FBXO46: variants seen among roughly 807,000 people sequenced by gnomAD.
The protein encoded by FBXO46 is F-box protein 46, also known as F-box only protein 46.
A neutral mutation model predicts 30.7 loss-of-function variants in FBXO46; 13 were observed. The observed-to-expected ratio is 0.42, with a 90% confidence interval of 0.28 to 0.67. The LOEUF (loss-of-function observed/expected upper bound fraction) is 0.67. Among genes scored for constraint, FBXO46 ranks in the 30% least tolerant of loss-of-function variants. The probability of loss-of-function intolerance (pLI) is 0.21; values close to 1 mark genes in which losing one functional copy is unlikely to be tolerated. For missense variants in FBXO46, 754 were observed against 871.5 expected (o/e 0.87, Z 1.70); for synonymous variants, 467 against 385.8 (o/e 1.21, Z -2.47).
intron 1 of FBXO46, among the ~76,000 whole-genome samples, chr19:45,727,115 G>GAC (rs958022035): frequency 5.3e-5 from 8 of 152,194 alleles, no homozygotes; most frequent in African/African-American, 1.9e-4. Context: ...CAGGTGTGGT[G>GAC]ACACACGCTT....
At position 45,712,712 on chromosome 19, in the gene FBXO46, C is replaced by T. The variant is rs1317302769; in HGVS notation, c.784G>A (p.Ala262Thr). The T allele has an allele frequency of 3.1e-6, 5 of 1,612,330 alleles. No homozygotes were observed. Among genetic ancestry groups the T allele is most frequent in the African/African-American group, 1.3e-5 (1 of 74,852 alleles). The change falls in exon 2 of 2, where the codon GCC (alanine) becomes ACC (threonine). Residue 262 changes from alanine to threonine, a missense_variant. Physicochemically the swap from Ala to Thr is moderately conservative, Grantham distance 58 (BLOSUM62 0). Transcript: ENST00000317683. The surrounding 1 kb of genome is among the most constrained non-coding windows in gnomAD (Gnocchi z 8.8). ...TCCCGGCCGTTGGAGATGCGGAAGG[C>T]GATGCGCACCTCCCCAGGGCCTGGC... ...PGPGPGEVRI[A>T]FRISNGREPR... is the part of the protein sequence containing the mutation.
rs1600354049 is a variant in FBXO46 at position 45,712,478 on chromosome 19, C to T, written c.1018G>A (p.Ala340Thr). 1.2e-6 allele frequency: 2 copies of T among 1,607,312 alleles called. No homozygotes were observed. Among genetic ancestry groups the T allele is most frequent in the Admixed American group, 3.4e-5 (2 of 59,368 alleles). ...ADEASEGDSP[A>T]PARPEDTPPA... is the part of the protein sequence containing the mutation. ...GGAGTGTCCTCAGGCCTGGCGGGTGCCGGGCTGTCACCCTCACTGGCCTCA... is the reference window on the plus strand; with the variant it reads ...GGAGTGTCCTCAGGCCTGGCGGGTGTCGGGCTGTCACCCTCACTGGCCTCA... Residue 340 changes from alanine (A) to threonine (T), a missense_variant, in exon 2 of 2, where the codon GCA becomes ACA. By Grantham distance (58) the Ala-to-Thr change is moderately conservative (BLOSUM62 0). Transcript: ENST00000317683. This position sits in a 1 kb window ranked among gnomAD's most constrained non-coding sequence, Gnocchi z 8.8.
chr19:45,729,746 G>A (rs1968283897), intron 1 of FBXO46, among the ~76,000 whole-genome samples: 2 of 152,190 alleles, frequency 1.3e-5, no homozygotes, highest in Non-Finnish European at 2.9e-5. Context: ...ATGAGTTAAT[G>A]TGTACAAACA....
upstream of FBXO46, among the ~76,000 whole-genome samples, chr19:45,731,340 G>A (rs1238119459): frequency 6.9e-5 from 10 of 144,960 alleles, no homozygotes; most frequent in Non-Finnish European, 1.2e-4. Flanking sequence ...TTTTTGAGAC[G>A]GAGTCTTGCT....
chr19:45,732,308 T>C (rs1428860558), upstream of FBXO46, among the ~76,000 whole-genome samples: 3 of 151,980 alleles, frequency 2.0e-5, no homozygotes, highest in Non-Finnish European at 4.4e-5. Context: ...CAGAAAGAGA[T>C]TAAGCCTCTT....
intron 1 of FBXO46, among the ~76,000 whole-genome samples, chr19:45,717,782 GGCGGGGGGCGGGCTGAGGATTTCC>G (rs1325966274): frequency 1.5e-5 from 2 of 137,606 alleles, no homozygotes; most frequent in Non-Finnish European, 3.1e-5. Flanking sequence ...GAACTGTGGG[GGCGGGGGGCGGGCTGAGGATTTCC>G]GCGGGGGGAA....
chr19:45,733,015 C>T (rs1968347639), upstream of FBXO46, among the ~76,000 whole-genome samples: 1 of 152,140 alleles, frequency 6.6e-6, no homozygotes, highest in African/African-American at 2.4e-5. The surrounding 1 kb of genome is among the most constrained non-coding windows in gnomAD (Gnocchi z 5.7). Flanking sequence ...ACCATCTAGC[C>T]TGGTGCTTGG....
At chr19:45,720,834 G>A (rs1243499712) in intron 1 of FBXO46, among the ~76,000 whole-genome samples, 1 of 151,748 alleles carries the variant, frequency 6.6e-6, no homozygotes, top group African/African-American at 2.4e-5. Context: ...CTGGCTGGGC[G>A]CAGTGGCTCA....
Position 45,712,395 on chromosome 19 carries a change from G to A in FBXO46, c.1101C>T (p.Asp367=), listed in dbSNP as rs200612720. The change falls in exon 2 of 2, where the codon GAC becomes GAT. Residue 367 remains aspartate (D), a synonymous_variant. Coordinates refer to ENST00000317683, the MANE Select transcript of FBXO46 (RefSeq NM_001080469.2). The surrounding 1 kb of genome is among the most constrained non-coding windows in gnomAD (Gnocchi z 8.8). ...CATCTACCACGCCCGTCACCACCAC[G>A]TCCACGTGGAAGCCTGACGCTCCGC... ...RDCGASGFHV[D]VVVTGVVDEC... 11 of 1,606,656 alleles carry A rather than the reference G, an allele frequency of 6.8e-6. No individual in the cohort carries two copies. The highest frequency in any genetic ancestry group is 1.7e-5 in the Admixed American group (1 of 59,996).
At position 45,712,744 on chromosome 19, in the gene FBXO46, C is replaced by T. The variant is rs367702323; in HGVS notation, c.752G>A (p.Arg251Gln). The T allele has an allele frequency of 1.4e-5, 22 of 1,611,452 alleles. No homozygotes were observed. Among genetic ancestry groups the T allele is most frequent in the Non-Finnish European group, 1.3e-5 (15 of 1,178,848 alleles). ...CACCTCCCCAGGGCCTGGCCCGGGC[C>T]GCTCTTCCTTGCGGAGGCCCTTGGT... Reference protein sequence around the residue: ...PPTKGLRKEERPGPGPGEVRI... With the variant: ...PPTKGLRKEEQPGPGPGEVRI... Residue 251 changes from arginine to glutamine, a missense_variant, in exon 2 of 2, where the codon CGG becomes CAG. Physicochemically the swap from Arg to Gln is conservative, Grantham distance 43. Transcript: ENST00000317683. The surrounding 1 kb of genome is among the most constrained non-coding windows in gnomAD (Gnocchi z 8.8).
rs983106195 is a variant in FBXO46 at position 45,713,631 on chromosome 19, A to G, written c.-78-58T>C. On this transcript the variant is annotated intron_variant, in intron 1 of 1. Transcript: ENST00000317683. This position sits in a 1 kb window ranked among gnomAD's most constrained non-coding sequence, Gnocchi z 4.7. ...GGGGACAGCCTTTCTTCCCAGGACC[A>G]CCCCAACCTCCACCTCTCCTTAGAC... The G allele has an allele frequency of 1.4e-6, 1 of 695,686 alleles. No homozygotes were observed. Among genetic ancestry groups the G allele is most frequent in the Non-Finnish European group, 2.4e-6 (1 of 417,700 alleles). The allele number at this position is 695,686 out of a possible 1,614,324, so 43.1% of individuals were successfully genotyped here. A position where few individuals can be genotyped will look rare whatever the true frequency, so the allele number is the denominator to read the frequency against.
Position 45,713,087 on chromosome 19 carries a change from A to C in FBXO46, c.409T>G (p.Cys137Gly), listed in dbSNP as rs371124111. 1.3e-6 allele frequency: 2 copies of C among 1,598,592 alleles called. No homozygotes were observed. Among genetic ancestry groups the C allele is most frequent in the Non-Finnish European group, 1.7e-6 (2 of 1,173,290 alleles). Residue 137 changes from cysteine to glycine, a missense_variant, in exon 2 of 2, where the codon TGT becomes GGT. By Grantham distance (159) the Cys-to-Gly change is radical. Transcript: ENST00000317683. The surrounding 1 kb of genome is among the most constrained non-coding windows in gnomAD (Gnocchi z 4.7). The stretch of plus-strand genomic sequence containing the variant: ...GGAGGAGCCTTGGTGGGGTCAAGAC[A>C]GCGCCTCCGCCGCTTGGCCTTGGAG... The part of the protein sequence containing the change: ...DSSKAKRRRR[C>G]LDPTKAPPDP...
rs748966505 is a variant in FBXO46, at chr19:45,712,843, C to T, written c.653G>A (p.Arg218Gln). The T allele has an allele frequency of 6.8e-6, 11 of 1,613,250 alleles. No individual in the cohort carries two copies. The highest frequency in any genetic ancestry group is 2.2e-5 in the East Asian group (1 of 44,862). ...ACGGCTGCAGTCCCCACCACCGGAC[C>T]GCCGTTCAGATCCCACCCCCTTGGC... The part of the protein sequence containing the change: ...GPAKGVGSER[R>Q]SGGGDCSRVA... Residue 218 changes from arginine to glutamine, a missense_variant, in exon 2 of 2, where the codon CGG (arginine) becomes CAG (glutamine). Physicochemically the swap from Arg to Gln is conservative, Grantham distance 43 (BLOSUM62 1). Coordinates refer to ENST00000317683, the MANE Select transcript of FBXO46 (RefSeq NM_001080469.2). The surrounding 1 kb of genome is among the most constrained non-coding windows in gnomAD (Gnocchi z 8.8).
chr19:45,714,028 C>CA (rs1261642721), intron 1 of FBXO46, among the ~76,000 whole-genome samples: 1 of 145,948 alleles, frequency 6.9e-6, no homozygotes, highest in South Asian at 2.2e-4. Flanking sequence ...GGTGAGCAGA[C>CA]AGAGGTTGCA....
At chr19:45,717,555 G>C (rs1035382665) in intron 1 of FBXO46, among the ~76,000 whole-genome samples, 1 of 152,214 alleles carries the variant, frequency 6.6e-6, no homozygotes, top group African/African-American at 2.4e-5. Context: ...GACACAGCCG[G>C]ATGCAAGGGA....
rs1967963335 is a variant in FBXO46 at position 45,711,509 on chromosome 19, G to A, written c.*175C>T. On this transcript the variant is annotated 3_prime_UTR_variant, in exon 2 of 2. Coordinates refer to ENST00000317683, the MANE Select transcript of FBXO46 (RefSeq NM_001080469.2). ...GGTTCTGAAGAGTAGAAAATCAACA[G>A]GATCAAGCAGAGGGCTTTCCTGGGT... The A allele has an allele frequency of 1.4e-6, 1 of 705,410 alleles. No individual in the cohort carries two copies. Among genetic ancestry groups the A allele is most frequent in the Admixed American group, 2.0e-5 (1 of 49,938 alleles). The allele number at this position is 705,410 out of a possible 1,614,324, so 43.7% of individuals were successfully genotyped here.
chr19:45,719,263 AAATT>A (rs1170457049), intron 1 of FBXO46, among the ~76,000 whole-genome samples: 2 of 152,138 alleles, frequency 1.3e-5, no homozygotes, highest in African/African-American at 4.8e-5. Context: ...AATTAAAAAT[AAATT>A]AAATAAATAA....
In FBXO46 at chr19:45,711,387, G is replaced by C; in HGVS notation, c.*297C>G. 1 of 588,778 alleles carries C rather than the reference G, an allele frequency of 1.7e-6. No homozygotes were observed. The highest frequency in any genetic ancestry group is 3.2e-6 in the Non-Finnish European group (1 of 315,438). 36.5% of individuals were successfully genotyped at this position (588,778 alleles called of 1,614,324 possible). A position where few individuals can be genotyped will look rare whatever the true frequency, so the allele number is the denominator to read the frequency against. On this transcript the variant is annotated 3_prime_UTR_variant, in exon 2 of 2. Transcript: ENST00000317683. ...TCCCTGCTGGTGGGTCCTTGGGGTGGAAAGCATGGCAGGGAGGGGGTTGGG... is the reference window on the plus strand; with the variant it reads ...TCCCTGCTGGTGGGTCCTTGGGGTGCAAAGCATGGCAGGGAGGGGGTTGGG...
chr19:45,718,220 C>A (rs937117870), intron 1 of FBXO46, among the ~76,000 whole-genome samples: 3 of 152,182 alleles, frequency 2.0e-5, no homozygotes, highest in African/African-American at 7.2e-5. Context: ...CCCATCTGAT[C>A]CCCGGTAGGA....
Sources: allele counts gnomAD v4.1 joint callset (sites outside exome capture counted in the v4.1 genomes callset), GRCh38; gene constraint gnomAD v4.1.1; non-coding constraint Gnocchi (gnomAD v3.1); transcripts MANE v1.5; gene names NCBI Gene and HGNC (gene_info 2026-07-23, HGNC 2026-07-21).